LYST: variants seen among roughly 807,000 people sequenced by gnomAD.
LYST encodes the protein lysosomal-trafficking regulator.
LYST carries 192 observed loss-of-function variants against 413.6 expected under a neutral mutation model. The observed-to-expected ratio is 0.46, with a 90% confidence interval of 0.41 to 0.52. The LOEUF (loss-of-function observed/expected upper bound fraction) is 0.52. Ranked by LOEUF, LYST falls within the 20% of genes least tolerant of loss-of-function variation. The pLI, the probability that LYST is intolerant of heterozygous loss-of-function variation, is 0.00. For missense variants in LYST, 3,815 were observed against 4,499.9 expected (o/e 0.85, Z 4.35); for synonymous variants, 1,525 against 1,567.3 (o/e 0.97, Z 0.64).
intron 47 of LYST, among the ~76,000 whole-genome samples, chr1:235,690,475 C>T (rs1187411387): frequency 6.6e-6 from 1 of 152,072 alleles, no homozygotes; most frequent in Non-Finnish European, 1.5e-5. Context: ...TATCTGCATA[C>T]AAAGGCTCTG....
In LYST at chr1:235,808,735, C is replaced by G. The variant is rs752946998; in HGVS notation, c.2083G>C (p.Ala695Pro). The change falls in exon 5 of 53, where the codon GCT (alanine) becomes CCT (proline). Residue 695 changes from alanine to proline, a missense_variant. This residue lies in a region of LYST where 1,648 missense variants were observed against 1,810.3 expected (regional missense o/e 0.91). Transcript: ENST00000389793. ...DLLWKWDALKAYQNFVFEEDR... is the reference protein window; with the variant it reads ...DLLWKWDALKPYQNFVFEEDR... Reference sequence around the variant, plus strand: ...TCTTCAAAAACAAAGTTCTGATAAGCCTTTAAAGCATCCCATTTCCACAAC... The same window carrying G: ...TCTTCAAAAACAAAGTTCTGATAAGGCTTTAAAGCATCCCATTTCCACAAC... The G allele has an allele frequency of 5.0e-6, 8 of 1,613,848 alleles. No individual in the cohort carries two copies. The highest frequency in any genetic ancestry group is 6.8e-6 in the Non-Finnish European group (8 of 1,179,986).
At chr1:235,673,425 G>A (rs1415196767) in intron 50 of LYST, among the ~76,000 whole-genome samples, 1 of 151,932 alleles carries the variant, frequency 6.6e-6, no homozygotes, top group African/African-American at 2.4e-5. Flanking sequence ...GCCTATGGTG[G>A]GGAGATCAGC....
Position 235,675,574 on chromosome 1 carries a change from G to C in LYST, c.11038+1517C>G, listed in dbSNP as rs145412647. The stretch of plus-strand genomic sequence containing the variant: ...CACCAAGCACTTGTTTCTAACAACT[G>C]TGTGCCAGAACATGGTGCACCCTAA... On this transcript the variant is annotated intron_variant, in intron 50 of 52. Transcript: ENST00000389793. Among the ~76,000 whole-genome samples, 975 of 152,256 alleles carry C rather than the reference G, an allele frequency of 6.4e-3. 6 individuals are homozygous for C. Among genetic ancestry groups the C allele is most frequent in the Non-Finnish European group, 0.011 (767 of 68,008 alleles).
intron 1 of LYST, among the ~76,000 whole-genome samples, chr1:235,859,135 A>G (rs1019416711): frequency 5.9e-5 from 9 of 152,192 alleles, no homozygotes; most frequent in Non-Finnish European, 8.8e-5. Flanking sequence ...ACTTATATCT[A>G]TATCTACCCC....
chr1:235,816,194 C>A (rs1674058184), intron 3 of LYST, among the ~76,000 whole-genome samples: 1 of 138,096 alleles, frequency 7.2e-6, no homozygotes, highest in Non-Finnish European at 1.5e-5. Flanking sequence ...GTAATCCCAG[C>A]ACTTTGGGAG....
Position 235,841,315 on chromosome 1 carries a change from A to AT in LYST, c.-97-7649dup, listed in dbSNP as rs200714576. Among the ~76,000 whole-genome samples, 175 of 151,272 alleles carry AT rather than the reference A, an allele frequency of 1.2e-3. 1 individual carries two copies. The highest frequency in any genetic ancestry group is 3.6e-3 in the African/African-American group (149 of 41,276). On this transcript the variant is annotated intron_variant, in intron 1 of 52. Coordinates refer to ENST00000389793, the MANE Select transcript of LYST (RefSeq NM_000081.4). ...TGGAGAAGGAGGCATAGGTTAAGGAATTTTTTTTTTCAAGTATTTGTATTT... is the reference window on the plus strand; with the variant it reads ...TGGAGAAGGAGGCATAGGTTAAGGAATTTTTTTTTTTCAAGTATTTGTATTT...
rs1047188382 is a variant in LYST at position 235,702,867 on chromosome 1, G to C, written c.10254C>G (p.Ala3418=). 3 of 1,614,138 alleles carry C rather than the reference G, an allele frequency of 1.9e-6. No homozygotes were observed. The highest frequency in any genetic ancestry group is 2.5e-6 in the Non-Finnish European group (3 of 1,180,008). The change falls in exon 45 of 53, where the codon GCC becomes GCG. Residue 3418 remains alanine (A), a synonymous_variant. Transcript: ENST00000389793. ...GCTTGGCTCCAGGTCTGCTCACATG[G>C]GCCATGTGGAACAGCTGACGGGGAG... is the stretch of plus-strand genomic sequence containing the variant. ...GQTPRQLFHM[A]HVSRPGAKLN...
At chr1:235,857,615 G>A (rs1453799628) in intron 1 of LYST, among the ~76,000 whole-genome samples, 1 of 151,972 alleles carries the variant, frequency 6.6e-6, no homozygotes, top group African/African-American at 2.4e-5. Context: ...AGACTGAAGA[G>A]GAGTGGTTAG....
At chr1:235,717,668 T>G (rs946916084) in intron 40 of LYST, among the ~76,000 whole-genome samples, 2 of 152,156 alleles carry the variant, frequency 1.3e-5, no homozygotes, top group African/African-American at 4.8e-5. Context: ...TACATTTCAG[T>G]GAGTCAAACC....
chr1:235,875,196 A>T (rs1410456447), intron 1 of LYST, among the ~76,000 whole-genome samples: 10 of 152,202 alleles, frequency 6.6e-5, no homozygotes, highest in Non-Finnish European at 1.5e-5. Context: ...CAATTCAGGG[A>T]GGCTGAGAAT....
intron 48 of LYST, among the ~76,000 whole-genome samples, chr1:235,684,919 A>G (rs183202780): frequency 6.6e-6 from 1 of 152,172 alleles, no homozygotes; most frequent in African/African-American, 2.4e-5. Context: ...ATGAGCCACC[A>G]CACCCTGCTT....
Position 235,782,086 on chromosome 1 carries a change from T to G in LYST, c.4864A>C (p.Lys1622Gln). 1 of 1,611,244 alleles carries G rather than the reference T, an allele frequency of 6.2e-7. No homozygotes were observed. Among genetic ancestry groups the G allele is most frequent in the South Asian group, 1.1e-5 (1 of 90,900 alleles). The stretch of plus-strand genomic sequence containing the variant: ...ATAAAATCCAAAGTAACATCAGGCT[T>G]CCTACATTAAAAACAAAACAAAGTT... ...KISIWVSGQR[K>Q]PDVTLDFMLP... Residue 1622 changes from lysine to glutamine, a missense_variant and splice_region_variant, in exon 15 of 53, where the codon AAG (lysine) becomes CAG (glutamine). Lys to Gln is a moderately conservative substitution (Grantham distance 53). Transcript: ENST00000389793.
intron 38 of LYST, among the ~76,000 whole-genome samples, chr1:235,727,053 C>T (rs916912027): frequency 6.6e-6 from 1 of 151,780 alleles, no homozygotes; most frequent in East Asian, 1.9e-4. Context: ...ACTTTAAATA[C>T]TTTCATGACT....
rs1432563852 is a variant in LYST, at chr1:235,833,644, A to T, written c.-74T>A. The T allele has an allele frequency of 2.1e-6, 2 of 934,648 alleles. No individual in the cohort carries two copies. The highest frequency in any genetic ancestry group is 6.2e-5 in the Admixed American group (1 of 16,216). 57.9% of individuals were successfully genotyped at this position (934,648 alleles called of 1,614,324 possible). A position where few individuals can be genotyped will look rare whatever the true frequency, so the allele number is the denominator to read the frequency against. On this transcript the variant is annotated 5_prime_UTR_variant, in exon 2 of 53. The change creates a new upstream start codon in the 5' untranslated region. Transcript: ENST00000389793. Reference sequence around the variant, plus strand: ...TTGGACTCATAAACTAGATGAAACAAATATTCTTAGAACAAAGCTTCACCT... The same window carrying T: ...TTGGACTCATAAACTAGATGAAACATATATTCTTAGAACAAAGCTTCACCT...
chr1:235,771,913 G>GTTTTTTTTTTTTTTTTTTTT (rs1187587312), intron 19 of LYST, among the ~76,000 whole-genome samples: 2 of 95,182 alleles, frequency 2.1e-5, no homozygotes, highest in Non-Finnish European at 4.3e-5. Flanking sequence ...AGGTTTTTTA[G>GTTTTTTTTTTTTTTTTTTTT]TTTGTTTTTT....
chr1:235,791,543 G>A, intron 12 of LYST, 156 bp downstream of exon 12: 1 of 693,992 alleles, frequency 1.4e-6, no homozygotes, highest in Non-Finnish European at 2.5e-6. Flanking sequence ...GACAACTCAT[G>A]CTTTGATAAG....
chr1:235,830,391 T>C lies in LYST; in HGVS notation c.27A>G (p.Ala9=), dbSNP rs1675837287. 2 of 1,613,714 alleles carry C rather than the reference T, an allele frequency of 1.2e-6. No individual in the cohort carries two copies. Among genetic ancestry groups the C allele is most frequent in the Non-Finnish European group, 1.7e-6 (2 of 1,179,798 alleles). Residue 9 remains alanine, a synonymous_variant, in exon 3 of 53, where the codon GCA becomes GCG. Transcript: ENST00000389793. The part of the protein sequence containing the change: MSTDSNSL[A]REFLTDVNRL... ...GGTTGACATCGGTCAGAAATTCACG[T>C]GCCAGTGAGTTACTGTCGGTGCTCA...
chr1:235,698,598 G>A (rs971613102), intron 45 of LYST, among the ~76,000 whole-genome samples: 7 of 152,092 alleles, frequency 4.6e-5, no homozygotes, highest in South Asian at 2.1e-4. Context: ...AAGGCCGGGC[G>A]CGGTGGCTCA....
At chr1:235,777,946 A>T (rs1362088136) in intron 16 of LYST, among the ~76,000 whole-genome samples, 4 of 151,750 alleles carry the variant, frequency 2.6e-5, no homozygotes, top group Non-Finnish European at 5.9e-5. Context: ...TCTTAGAGAC[A>T]GTGTCTTGCT....
Sources: allele counts gnomAD v4.1 joint callset (sites outside exome capture counted in the v4.1 genomes callset), GRCh38; gene constraint gnomAD v4.1.1; regional missense constraint gnomAD v4.1.1; transcripts MANE v1.5; gene names NCBI Gene and HGNC (gene_info 2026-07-23, HGNC 2026-07-21).